PCDH9: variants seen among roughly 807,000 people sequenced by gnomAD.
PCDH9 encodes the protein protocadherin 9.
A neutral mutation model predicts 70.6 loss-of-function variants in PCDH9; 24 were observed. That is an observed-to-expected ratio of 0.34 (90% CI 0.25 to 0.48). The LOEUF is 0.48. PCDH9 is among the 20% of genes least tolerant of loss of function. PCDH9 has a pLI of 0.99. For synonymous variants in PCDH9, 562 were observed against 558.5 expected, an observed-to-expected ratio of 1.01 and a Z score of -0.09; for missense variants, 1,281 against 1,503.6, an observed-to-expected ratio of 0.85 and a Z score of 2.45.
intron 3 of PCDH9, among the ~76,000 whole-genome samples, chr13:66,736,668 C>G (rs937549618): frequency 6.6e-6 from 1 of 152,198 alleles, no homozygotes; most frequent in African/African-American, 2.4e-5. Flanking sequence ...GCATTGAAAA[C>G]TGGTCATTGC....
At chr13:67,200,531 A>C (rs1317243882) in intron 2 of PCDH9, among the ~76,000 whole-genome samples, 1 of 152,092 alleles carries the variant, frequency 6.6e-6, no homozygotes, top group Non-Finnish European at 1.5e-5. Context: ...TATATTGACT[A>C]TATTTAAGAG....
At chr13:66,653,063 C>T (rs116031994) in intron 3 of PCDH9, among the ~76,000 whole-genome samples, 1,574 of 152,280 alleles carry the variant, frequency 0.01, 31 homozygotes, top group African/African-American at 0.035. Context: ...ACTGGGGAAA[C>T]TCTGCTGGAC....
intron 2 of PCDH9, among the ~76,000 whole-genome samples, chr13:66,933,966 C>CT (rs2082861018): frequency 6.7e-6 from 1 of 150,286 alleles, no homozygotes; most frequent in African/African-American, 2.4e-5. Context: ...CAAAGATCTA[C>CT]TTAACGTGTA....
chr13:66,539,547 C>T (rs1960854965), intron 4 of PCDH9, among the ~76,000 whole-genome samples: 2 of 152,030 alleles, frequency 1.3e-5, no homozygotes, highest in Non-Finnish European at 2.9e-5. Context: ...GAGGTGAATA[C>T]AATCATAGAG....
chr13:67,047,133 G>T (rs2085237767), intron 2 of PCDH9, among the ~76,000 whole-genome samples: 1 of 151,970 alleles, frequency 6.6e-6, no homozygotes, highest in African/African-American at 2.4e-5. Flanking sequence ...TGTACTCTTG[G>T]TTACACAACT....
intron 2 of PCDH9, among the ~76,000 whole-genome samples, chr13:66,966,448 G>A (rs1471111354): frequency 6.6e-6 from 1 of 152,040 alleles, no homozygotes; most frequent in Admixed American, 6.6e-5. Context: ...TACTCTGTAT[G>A]GCGTCTGTAA....
At chr13:66,489,521 A>C (rs1239184448) in intron 4 of PCDH9, among the ~76,000 whole-genome samples, 2 of 152,158 alleles carry the variant, frequency 1.3e-5, no homozygotes, top group African/African-American at 4.8e-5. Flanking sequence ...TATGTTGCCC[A>C]ACCTTGTCTC....
At chr13:67,088,814 T>C (rs1280357102) in intron 2 of PCDH9, among the ~76,000 whole-genome samples, 1 of 152,048 alleles carries the variant, frequency 6.6e-6, no homozygotes, top group Non-Finnish European at 1.5e-5. Flanking sequence ...AACTATGCAA[T>C]TCTACTTTTA....
chr13:67,223,010 T>G (rs1263104438), intron 2 of PCDH9: 1 of 152,158 alleles, frequency 6.6e-6, no homozygotes, highest in African/African-American at 2.4e-5. Context: ...CACTATTTCT[T>G]TTTCAGCATG....
chr13:67,193,665 T>G (rs1335900136), intron 2 of PCDH9, among the ~76,000 whole-genome samples: 1 of 152,218 alleles, frequency 6.6e-6, no homozygotes, highest in Admixed American at 6.5e-5. Context: ...TGGATGTATA[T>G]TCTTAATTAC....
At chr13:66,454,526 A>G (rs2138436105) in intron 4 of PCDH9, among the ~76,000 whole-genome samples, 1 of 152,318 alleles carries the variant, frequency 6.6e-6, no homozygotes, top group South Asian at 2.1e-4. Context: ...CTAGCCAATG[A>G]TATCCTATGT....
chr13:66,792,157 G>T (rs896959712), intron 3 of PCDH9, among the ~76,000 whole-genome samples: 2 of 152,074 alleles, frequency 1.3e-5, no homozygotes, highest in Non-Finnish European at 2.9e-5. Context: ...TTTCTTGTTG[G>T]TCAATCTATT....
At chr13:66,808,148 T>C (rs2080440643) in intron 3 of PCDH9, among the ~76,000 whole-genome samples, 1 of 152,148 alleles carries the variant, frequency 6.6e-6, no homozygotes, top group African/African-American at 2.4e-5. Context: ...AAAAAATATG[T>C]AGAGCAATCA....
chr13:66,790,650 T>C (rs1485925932), intron 3 of PCDH9, among the ~76,000 whole-genome samples: 1 of 152,064 alleles, frequency 6.6e-6, no homozygotes, highest in Non-Finnish European at 1.5e-5. Flanking sequence ...AACTCTTTCA[T>C]CAATAGAGTA....
intron 4 of PCDH9, among the ~76,000 whole-genome samples, chr13:66,609,562 A>G (rs902144812): frequency 1.3e-5 from 2 of 152,184 alleles, no homozygotes; most frequent in South Asian, 2.1e-4. Context: ...GAAAATTTAT[A>G]CTTTATATAT....
At chr13:66,481,562 G>A (rs913864470) in intron 4 of PCDH9, among the ~76,000 whole-genome samples, 1 of 152,074 alleles carries the variant, frequency 6.6e-6, no homozygotes. Flanking sequence ...ATATGCACTG[G>A]GAAGCCAAAA....
chr13:66,328,207 C>A (rs1484115714), intron 4 of PCDH9, among the ~76,000 whole-genome samples: 16 of 152,056 alleles, frequency 1.1e-4, no homozygotes, highest in Admixed American at 9.8e-4. Flanking sequence ...GAACAAAATT[C>A]TTTACCAGAT....
chr13:66,419,754 G>T (rs549382475), intron 4 of PCDH9, among the ~76,000 whole-genome samples: 1 of 146,658 alleles, frequency 6.8e-6, no homozygotes, highest in East Asian at 2.0e-4. Flanking sequence ...GAGCTAGCTA[G>T]CTGCAGGAGT....
intron 2 of PCDH9, among the ~76,000 whole-genome samples, chr13:66,976,554 T>C (rs1371132693): frequency 6.6e-6 from 1 of 152,110 alleles, no homozygotes; most frequent in Non-Finnish European, 1.5e-5. Context: ...ACATGTCTTA[T>C]TACCATACAT....
Sources: allele counts gnomAD v4.1 joint callset (sites outside exome capture counted in the v4.1 genomes callset), GRCh38; gene constraint gnomAD v4.1.1; transcripts MANE v1.5; gene names NCBI Gene and HGNC (gene_info 2026-07-23, HGNC 2026-07-21).